BORCS5: variants seen among roughly 807,000 people sequenced by gnomAD.
The protein encoded by BORCS5 is BLOC-1-related complex subunit 5.
In BORCS5, 17 loss-of-function variants were observed where a neutral mutation model predicts 22.1. The observed-to-expected ratio is 0.77, with a 90% CI of 0.53 to 1.15. The LOEUF (loss-of-function observed/expected upper bound fraction) is 1.15, where lower values mean the gene tolerates loss of function less well. BORCS5 is among the 50% of genes most tolerant of loss of function. The pLI, the probability that BORCS5 is intolerant of heterozygous loss-of-function variation, is 0.00. For synonymous variants in BORCS5, 117 were observed against 99.8 expected, an observed-to-expected ratio of 1.17 and a Z score of -1.03; for missense variants, 247 against 253.2, an observed-to-expected ratio of 0.98 and a Z score of 0.17.
chr12:12,436,669 G>A (rs1363884429), intron 3 of BORCS5, among the ~76,000 whole-genome samples: 1 of 152,164 alleles, frequency 6.6e-6, no homozygotes, highest in African/African-American at 2.4e-5. Context: ...ACAAGTGATG[G>A]AGCAAGAATC....
chr12:12,458,380 A>G (rs1400334178), intron 3 of BORCS5, among the ~76,000 whole-genome samples: 1 of 151,990 alleles, frequency 6.6e-6, no homozygotes, highest in African/African-American at 2.4e-5. Flanking sequence ...ACAATCCCAA[A>G]TTTTGGATTT....
At chr12:12,369,059 GTTAA>G (rs1863465562) in intron 2 of BORCS5, among the ~76,000 whole-genome samples, 1 of 151,900 alleles carries the variant, frequency 6.6e-6, no homozygotes, top group Non-Finnish European at 1.5e-5. Flanking sequence ...AGCTATTTTT[GTTAA>G]TTTGTCTATT....
rs575256651 is a variant in BORCS5, at chr12:12,466,513, T to C, written c.*737T>C. 1 of 152,308 alleles carries C rather than the reference T, an allele frequency of 6.6e-6. No individual in the cohort carries two copies. Among genetic ancestry groups the C allele is most frequent in the East Asian group, 1.9e-4 (1 of 5,182 alleles). The allele number at this position is 152,308 out of a possible 1,614,324, so 9.4% of individuals were successfully genotyped here. ...ACATTTCTTGAACCCATTTGATGTG[T>C]CCAATATTGTGCCAGGGATACAAAT... On this transcript the variant is annotated 3_prime_UTR_variant, in exon 4 of 4. Transcript: ENST00000314565.
At chr12:12,452,129 C>G (rs1162502203) in intron 3 of BORCS5, 1 of 540,298 alleles carries the variant, frequency 1.9e-6, no homozygotes, top group African/African-American at 1.9e-5. Flanking sequence ...AGGTTTGGCA[C>G]TTTATAGTAA....
intron 2 of BORCS5, among the ~76,000 whole-genome samples, chr12:12,390,169 T>C (rs375600455): frequency 1.1e-4 from 16 of 152,136 alleles, no homozygotes; most frequent in African/African-American, 2.7e-4. Flanking sequence ...GCTTGTTCAT[T>C]TGTTCAGCAA....
At chr12:12,378,241 G>A (rs536700524) in intron 2 of BORCS5, among the ~76,000 whole-genome samples, 68 of 152,120 alleles carry the variant, frequency 4.5e-4, no homozygotes, top group African/African-American at 1.4e-3. Context: ...GCATGGTGGC[G>A]TGCGCCTGTA....
intron 2 of BORCS5, among the ~76,000 whole-genome samples, chr12:12,395,515 G>T (rs146391667): frequency 7.1e-6 from 1 of 141,572 alleles, no homozygotes; most frequent in African/African-American, 2.7e-5. Flanking sequence ...TCGAACTCCC[G>T]ACCTCAAGTG....
intron 2 of BORCS5, among the ~76,000 whole-genome samples, chr12:12,415,341 G>C (rs1271886677): frequency 6.6e-6 from 1 of 150,944 alleles, no homozygotes; most frequent in Admixed American, 6.6e-5. Flanking sequence ...GCGGTTAGGA[G>C]CTGGAGACCA....
At chr12:12,420,971 A>G (rs1202432646) in intron 2 of BORCS5, among the ~76,000 whole-genome samples, 1 of 152,164 alleles carries the variant, frequency 6.6e-6, no homozygotes, top group Non-Finnish European at 1.5e-5. Context: ...GAGTTTTCTA[A>G]ATATACAATC....
rs150650880 is a variant in BORCS5, at chr12:12,423,086, C to A, written c.203-12542C>A. Among the ~76,000 whole-genome samples the A allele has an allele frequency of 5.9e-4, 90 of 152,116 alleles. 1 individual carries two copies. The East Asian group carries it at 0.016, about 27-fold the overall frequency. ...GCGTGATCTCGACTCACTGCAAGCT[C>A]CGCCTCCCGGCTTCACGCCATTCTC... On this transcript the variant is annotated intron_variant, in intron 2 of 3. Transcript: ENST00000314565.
intron 1 of BORCS5, among the ~76,000 whole-genome samples, chr12:12,360,567 ATTTTTTTTTTTT>A (rs35965943): frequency 6.7e-5 from 6 of 89,230 alleles, no homozygotes; most frequent in African/African-American, 2.2e-4. Flanking sequence ...ATTAAAAGAA[ATTTTTTTTTTTT>A]TTTTTTTTTT....
intron 2 of BORCS5, among the ~76,000 whole-genome samples, chr12:12,423,466 T>C (rs865829143): frequency 5.5e-4 from 79 of 142,676 alleles, no homozygotes; most frequent in Middle Eastern, 7.1e-3. Context: ...TTTTTTTTTT[T>C]CCTGACTGAT....
At chr12:12,398,841 C>G (rs1301405680) in intron 2 of BORCS5, among the ~76,000 whole-genome samples, 1 of 152,154 alleles carries the variant, frequency 6.6e-6, no homozygotes, top group Admixed American at 6.5e-5. Flanking sequence ...TCAAGATTAG[C>G]CAACTATTTA....
At chr12:12,393,673 C>T (rs1488680542) in intron 2 of BORCS5, among the ~76,000 whole-genome samples, 4 of 139,306 alleles carry the variant, frequency 2.9e-5, no homozygotes, top group African/African-American at 1.1e-4. Context: ...GAGCACACCA[C>T]CATGCCTGCC....
chr12:12,394,155 G>A (rs1490808389), intron 2 of BORCS5, among the ~76,000 whole-genome samples: 2 of 151,804 alleles, frequency 1.3e-5, no homozygotes, highest in East Asian at 1.9e-4. Context: ...GTGAAACCCT[G>A]TCTCTACTAA....
intron 2 of BORCS5, among the ~76,000 whole-genome samples, chr12:12,418,144 T>A (rs1942018588): frequency 6.6e-6 from 1 of 151,214 alleles, no homozygotes; most frequent in Non-Finnish European, 1.5e-5. Context: ...CTGCCTCAGC[T>A]TCCTGAGTAG....
At chr12:12,407,961 C>T (rs1027151482) in intron 2 of BORCS5, among the ~76,000 whole-genome samples, 11 of 152,028 alleles carry the variant, frequency 7.2e-5, no homozygotes, top group Admixed American at 3.3e-4. Flanking sequence ...CCTTCCACCT[C>T]GGCCTCCCAA....
chr12:12,458,119 T>TG (rs1943031692), intron 3 of BORCS5, among the ~76,000 whole-genome samples: 1 of 152,138 alleles, frequency 6.6e-6, no homozygotes, highest in Non-Finnish European at 1.5e-5. Context: ...TGCCTACTGT[T>TG]TTTTGTTTTG....
chr12:12,400,558 T>C (rs1194115518), intron 2 of BORCS5, among the ~76,000 whole-genome samples: 1 of 150,776 alleles, frequency 6.6e-6, no homozygotes, highest in Admixed American at 6.6e-5. Flanking sequence ...TACCTAGAAT[T>C]TCTTTTTCAT....
Sources: allele counts gnomAD v4.1 joint callset (sites outside exome capture counted in the v4.1 genomes callset), GRCh38; gene constraint gnomAD v4.1.1; transcripts MANE v1.5; gene names NCBI Gene and HGNC (gene_info 2026-07-23, HGNC 2026-07-21).